The following CNOT2 variants were observed in gnomAD, a reference collection of about 807,000 sequenced individuals.
The protein encoded by CNOT2 is CCR4-NOT transcription complex subunit 2, also known as CC chemokine receptor 4-negative regulator of transcription 2.
Under a neutral mutation model 72.1 loss-of-function variants are expected in CNOT2, and 7 were observed. That is an observed-to-expected ratio of 0.10 (90% confidence interval 0.06 to 0.18). The LOEUF is 0.18. Among genes scored for constraint, CNOT2 ranks in the 10% least tolerant of loss-of-function variants. CNOT2 has a pLI of 1.00. For synonymous variants in CNOT2, 196 were observed against 225.6 expected, an observed-to-expected ratio of 0.87 and a Z score of 1.17; for missense variants, 345 against 660.3, an observed-to-expected ratio of 0.52 and a Z score of 5.23.
At chr12:70,307,234 C>A (rs543735685) in intron 2 of CNOT2, among the ~76,000 whole-genome samples, 2 of 152,052 alleles carry the variant, frequency 1.3e-5, no homozygotes, top group African/African-American at 2.4e-5. Context: ...CTTAGCTTAC[C>A]GTAACTTTTT....
rs560632604 is a variant in CNOT2, at chr12:70,275,153, GTTTTC to G, written c.-95-2967_-95-2963del. Among the ~76,000 whole-genome samples, 290 of 152,066 alleles carry G rather than the reference GTTTTC, an allele frequency of 1.9e-3. 2 individuals are homozygous for G. Among genetic ancestry groups the G allele is most frequent in the African/African-American group, 6.8e-3 (281 of 41,526 alleles). On this transcript the variant is annotated intron_variant, in intron 1 of 15. Coordinates refer to ENST00000229195, the MANE Select transcript of CNOT2 (RefSeq NM_014515.7). ...CTGGGCTTAGAATTCTTTGTAGATA[GTTTTC>G]TTTTCTTTTCTATACTTTAAATATA...
At chr12:70,344,289 A>G (rs773759492) in intron 14 of CNOT2, 61 bp downstream of exon 14, 5 of 997,516 alleles carry the variant, frequency 5.0e-6, no homozygotes, top group Admixed American at 3.8e-5. Context: ...TGCTGAAAAC[A>G]TCTTTAAGTG....
At chr12:70,264,066 A>G (rs1471881268) in intron 1 of CNOT2, among the ~76,000 whole-genome samples, 3 of 152,154 alleles carry the variant, frequency 2.0e-5, no homozygotes, top group Non-Finnish European at 2.9e-5. Flanking sequence ...GCCTTTACTA[A>G]CTGCTGGTGA....
At chr12:70,318,192 C>T (rs1593220489) in intron 3 of CNOT2, among the ~76,000 whole-genome samples, 2 of 151,988 alleles carry the variant, frequency 1.3e-5, no homozygotes, top group East Asian at 3.9e-4. Flanking sequence ...CACCTTCTTG[C>T]TTAATATTAT....
chr12:70,293,238 G>A (rs1872237372), intron 2 of CNOT2, among the ~76,000 whole-genome samples: 2 of 148,824 alleles, frequency 1.3e-5, no homozygotes, highest in South Asian at 4.2e-4. Context: ...TAAACTCAAT[G>A]CACCCTCTAC....
chr12:70,273,296 C>G (rs1403983247), intron 1 of CNOT2, among the ~76,000 whole-genome samples: 1 of 151,662 alleles, frequency 6.6e-6, no homozygotes, highest in African/African-American at 2.4e-5. Context: ...TGCTGCAATC[C>G]AAAGATTAAT....
In CNOT2 at chr12:70,340,432, A is replaced by G. The variant is rs539914312; in HGVS notation, c.1178+1610A>G. 2.2e-4 allele frequency among the ~76,000 whole-genome samples: 34 copies of G among 152,136 alleles called. No individual in the cohort carries two copies. In the South Asian group the frequency reaches 6.0e-3, roughly 27 times the overall value. The stretch of plus-strand genomic sequence containing the variant: ...CTAGTCTTATTGTTTTAAATACCAT[A>G]TATATTGAGGAATCCCAAACATATG... On this transcript the variant is annotated intron_variant, in intron 11 of 15. Transcript: ENST00000229195.
At chr12:70,262,663 A>AT (rs200486874) in intron 1 of CNOT2, among the ~76,000 whole-genome samples, 78 of 142,772 alleles carry the variant, frequency 5.5e-4, no homozygotes, top group African/African-American at 1.8e-3. Context: ...ATTTTGCCTT[A>AT]TTTTTTTTTC....
rs547411189 is a variant in CNOT2, at chr12:70,298,098, T to A, written c.49-12797T>A. Among the ~76,000 whole-genome samples, 22 of 152,336 alleles carry A rather than the reference T, an allele frequency of 1.4e-4. No individual in the cohort carries two copies. The South Asian group carries it at 3.9e-3, about 27-fold the overall frequency. On this transcript the variant is annotated intron_variant, in intron 2 of 15. Transcript: ENST00000229195. ...TTTAAGCATAACTTCATTTTCAAAT[T>A]AATGCAACTTTCTGTAAAATACATG...
At chr12:70,244,263 CTG>C (rs1388918320) in intron 1 of CNOT2, 6 of 152,322 alleles carry the variant, frequency 3.9e-5, no homozygotes, top group Non-Finnish European at 8.8e-5. Context: ...ACGCTTCTGT[CTG>C]TGAAGTTGCA....
At chr12:70,339,085 T>TAC (rs1881134430) in intron 11 of CNOT2, among the ~76,000 whole-genome samples, 2 of 136,460 alleles carry the variant, frequency 1.5e-5, no homozygotes, top group South Asian at 2.4e-4. Context: ...TGTATATATA[T>TAC]ATATATACAC....
chr12:70,335,504 G>A lies in CNOT2; in HGVS notation c.716G>A (p.Arg239Lys). The stretch of plus-strand genomic sequence containing the variant: ...CCAGCATTAGCAGACCGAAACAGGA[G>A]GGAAGGAAGTGGTAACCCAACTCCA... ...DFPALADRNR[R>K]EGSGNPTPLI... The change falls in exon 8 of 16, where the codon AGG becomes AAG. Residue 239 changes from arginine (R) to lysine (K), a missense_variant. This residue lies in a region of CNOT2 where 128 missense variants were observed against 233.0 expected (regional missense o/e 0.55). Transcript: ENST00000229195. The A allele has an allele frequency of 6.2e-7, 1 of 1,606,678 alleles. No homozygotes were observed. Among genetic ancestry groups the A allele is most frequent in the Non-Finnish European group, 8.5e-7 (1 of 1,173,574 alleles).
intron 2 of CNOT2, among the ~76,000 whole-genome samples, chr12:70,286,963 G>A (rs972635604): frequency 6.6e-6 from 1 of 151,594 alleles, no homozygotes; most frequent in African/African-American, 2.4e-5. Flanking sequence ...TTAGTTATAG[G>A]TGTTATTGAA....
chr12:70,304,025 C>T lies in CNOT2; in HGVS notation c.49-6870C>T, dbSNP rs540791033. On this transcript the variant is annotated intron_variant, in intron 2 of 15. Coordinates refer to ENST00000229195, the MANE Select transcript of CNOT2 (RefSeq NM_014515.7). ...GCTACTGAGGCTTGTGCATTCGTCA[C>T]GTTCTCGTGCCGTGGTTTTCAGCTC... Among the ~76,000 whole-genome samples, 28 of 152,188 alleles carry T rather than the reference C, an allele frequency of 1.8e-4. No individual in the cohort carries two copies. In the East Asian group the frequency reaches 3.1e-3, roughly 17 times the overall value.
At chr12:70,329,612 GGTAGA>G (rs1181027576) in intron 5 of CNOT2, 42 bp downstream of exon 5, 3 of 1,463,396 alleles carry the variant, frequency 2.1e-6, no homozygotes, top group African/African-American at 1.4e-5. Context: ...AATGTATCTT[GGTAGA>G]GTAAACAAAC....
At chr12:70,347,328 A>G (rs1472541909) in intron 15 of CNOT2, among the ~76,000 whole-genome samples, 9 of 152,082 alleles carry the variant, frequency 5.9e-5, no homozygotes, top group African/African-American at 2.2e-4. Context: ...TTTACATCCC[A>G]AGATTTCATA....
intron 1 of CNOT2, among the ~76,000 whole-genome samples, chr12:70,273,428 G>A (rs941143738): frequency 1.3e-4 from 20 of 151,686 alleles, no homozygotes; most frequent in Admixed American, 8.5e-4. Flanking sequence ...CATCTCCCTC[G>A]CTGGCTGCTC....
At chr12:70,288,945 ACTCTTTTT>A (rs1871385252) in intron 2 of CNOT2, among the ~76,000 whole-genome samples, 1 of 148,456 alleles carries the variant, frequency 6.7e-6, no homozygotes, top group African/African-American at 2.5e-5. Context: ...AGGTTTGTTG[ACTCTTTTT>A]CTCTTTTTCT....
At chr12:70,300,516 G>C (rs1376514314) in intron 2 of CNOT2, among the ~76,000 whole-genome samples, 1 of 152,192 alleles carries the variant, frequency 6.6e-6, no homozygotes, top group Non-Finnish European at 1.5e-5. Context: ...GTTTGTCAAA[G>C]ATCAGATGGT....
Sources: allele counts gnomAD v4.1 joint callset (sites outside exome capture counted in the v4.1 genomes callset), GRCh38; gene constraint gnomAD v4.1.1; regional missense constraint gnomAD v4.1.1; transcripts MANE v1.5; gene names NCBI Gene and HGNC (gene_info 2026-07-23, HGNC 2026-07-21).